GBP7: variants seen among roughly 807,000 people sequenced by gnomAD.
GBP7 encodes the protein guanylate binding protein 7, also known as guanylate-binding protein 7.
In GBP7, 43 loss-of-function variants were observed where a neutral mutation model predicts 61.3. That is an observed-to-expected ratio of 0.70 (90% CI 0.55 to 0.91). The LOEUF (loss-of-function observed/expected upper bound fraction) is 0.91. GBP7 is among the 40% of genes least tolerant of loss of function. GBP7 has a pLI of 0.00. For synonymous variants in GBP7, 267 were observed against 271.0 expected (o/e 0.99, Z 0.14); for missense variants, 717 against 740.5 (o/e 0.97, Z 0.37).
At chr1:89,157,297 A>C (rs993835013) in intron 3 of GBP7, among the ~76,000 whole-genome samples, 1 of 152,244 alleles carries the variant, frequency 6.6e-6, no homozygotes, top group African/African-American at 2.4e-5. Context: ...TAAAAGAACT[A>C]GAGAAGCAAG....
chr1:89,143,706 G>A (rs1398500204), intron 8 of GBP7, among the ~76,000 whole-genome samples: 1 of 152,162 alleles, frequency 6.6e-6, no homozygotes, highest in African/African-American at 2.4e-5. Context: ...GCAAGAGAGA[G>A]TGAGAGAGAG....
intron 6 of GBP7, among the ~76,000 whole-genome samples, chr1:89,150,128 A>G (rs1682158153): frequency 6.6e-6 from 1 of 152,214 alleles, no homozygotes; most frequent in Admixed American, 6.5e-5. Flanking sequence ...GCAGAAACTC[A>G]TGACATGCTA....
intron 8 of GBP7, among the ~76,000 whole-genome samples, chr1:89,147,299 C>T (rs924876957): frequency 6.6e-6 from 1 of 152,056 alleles, no homozygotes; most frequent in Non-Finnish European, 1.5e-5. Context: ...CTGTACTTAG[C>T]ACAAAAACTA....
intron 9 of GBP7, among the ~76,000 whole-genome samples, chr1:89,137,711 G>T (rs140078914): frequency 1.3e-5 from 2 of 151,956 alleles, no homozygotes; most frequent in East Asian, 3.9e-4. Flanking sequence ...ATGTGAAAAA[G>T]CTGGAAACAT....
chr1:89,135,221 C>A (rs1432961806), intron 9 of GBP7, among the ~76,000 whole-genome samples: 1 of 152,170 alleles, frequency 6.6e-6, no homozygotes, highest in African/African-American at 2.4e-5. Context: ...AAACCTATGA[C>A]TCATTGGCAC....
Position 89,164,827 on chromosome 1 carries a change from T to C in GBP7, c.222A>G (p.Glu74=), listed in dbSNP as rs1317698680. The change falls in exon 3 of 11, where the codon GAA becomes GAG. Residue 74 remains glutamate (E), a synonymous_variant. Coordinates refer to ENST00000294671, the MANE Select transcript of GBP7 (RefSeq NM_207398.3). Reference sequence around the variant, plus strand: ...CACACCACATCCAGATGCCTTTGGTTTCAGACTTCACTGTGCAGCCCAGAG... The same window carrying C: ...CACACCACATCCAGATGCCTTTGGTCTCAGACTTCACTGTGCAGCCCAGAG... The part of the protein sequence containing the change: ...GFPLGCTVKS[E]TKGIWMWCVP... 1 of 1,613,864 alleles carries C rather than the reference T, an allele frequency of 6.2e-7. No individual in the cohort carries two copies. Among genetic ancestry groups the C allele is most frequent in the Non-Finnish European group, 8.5e-7 (1 of 1,179,860 alleles).
At chr1:89,141,688 G>A in intron 8 of GBP7, 40 bp from the exon 9 acceptor site, 2 of 1,509,362 alleles carry the variant, frequency 1.3e-6, no homozygotes, top group Non-Finnish European at 1.8e-6. Context: ...TCAGGCAGCA[G>A]AAATCTTGTC....
intron 7 of GBP7, among the ~76,000 whole-genome samples, chr1:89,149,015 C>T (rs1210476819): frequency 6.6e-6 from 1 of 151,946 alleles, no homozygotes; most frequent in Non-Finnish European, 1.5e-5. Context: ...AAGTAATTTT[C>T]AAGAATGCAA....
Position 89,133,279 on chromosome 1 carries a change from C to A in GBP7, c.1641G>T (p.Lys547Asn). The change falls in exon 10 of 11, where the codon AAG becomes AAT. Residue 547 changes from lysine (K) to asparagine (N), a missense_variant. Physicochemically the swap from Lys to Asn is moderately conservative, Grantham distance 94 (BLOSUM62 0). Around this residue, in one of 3 missense-constraint regions of GBP7, gnomAD observed 312 missense variants for 310.1 expected, o/e 1.01. Transcript: ENST00000294671. ...TCACCTTCATCTTGTGACTCAACAT[C>A]TTTCTCAGTTCTCTCATATAGTTTT... ...ERENYMRELR[K>N]MLSHKMKVLE... The A allele has an allele frequency of 1.2e-6, 2 of 1,613,502 alleles. No homozygotes were observed. The highest frequency in any genetic ancestry group is 1.7e-6 in the Non-Finnish European group (2 of 1,179,474).
At chr1:89,135,813 A>G (rs1681787804) in intron 9 of GBP7, among the ~76,000 whole-genome samples, 1 of 151,982 alleles carries the variant, frequency 6.6e-6, no homozygotes, top group African/African-American at 2.4e-5. Context: ...ACACATATCA[A>G]TATTAACTTT....
At chr1:89,155,146 T>A (rs1288613018) in intron 3 of GBP7, among the ~76,000 whole-genome samples, 1 of 152,090 alleles carries the variant, frequency 6.6e-6, no homozygotes, top group African/African-American at 2.4e-5. Context: ...GCCCTGACTG[T>A]TAGAAGGAAA....
intron 2 of GBP7, among the ~76,000 whole-genome samples, chr1:89,169,711 T>C (rs2100661764): frequency 6.6e-6 from 1 of 152,316 alleles, no homozygotes; most frequent in Admixed American, 6.5e-5. Context: ...TCATGTCTCA[T>C]GTTTGGGCCA....
chr1:89,158,658 G>A (rs1453134016), intron 3 of GBP7, among the ~76,000 whole-genome samples: 1 of 152,170 alleles, frequency 6.6e-6, no homozygotes, highest in African/African-American at 2.4e-5. Context: ...TACAAGGGAT[G>A]TGAAGGACCT....
In GBP7 at chr1:89,150,388, A is replaced by G. The variant is rs148635729; in HGVS notation, c.813T>C (p.Tyr271=). 27 of 1,613,976 alleles carry G rather than the reference A, an allele frequency of 1.7e-5. No individual in the cohort carries two copies. The African/African-American group carries it at 2.3e-4, about 14-fold the overall frequency. The change falls in exon 6 of 11, where the codon TAT becomes TAC. Residue 271 remains tyrosine (Y), a synonymous_variant. Transcript: ENST00000294671. ...FQMQSENFCS[Y]IFTHAKTKTL... ...TCTTGGTCTTTGCATGGGTGAAGAT[A>G]TAAGAACAGAAATTTTCTGATTGCA... is the stretch of plus-strand genomic sequence containing the variant.
chr1:89,141,458 G>T, intron 9 of GBP7, 88 bp downstream of exon 9: 1 of 1,137,512 alleles, frequency 8.8e-7, no homozygotes, highest in Non-Finnish European at 1.3e-6. Flanking sequence ...GAAAGCTCCT[G>T]GTATAAGGAA....
intron 2 of GBP7, among the ~76,000 whole-genome samples, chr1:89,165,891 A>G (rs1237477731): frequency 6.6e-6 from 1 of 152,070 alleles, no homozygotes; most frequent in Non-Finnish European, 1.5e-5. Context: ...TGTTCTGCAC[A>G]TATATCCCTG....
Position 89,147,564 on chromosome 1 carries a change from C to T in GBP7, c.1365+3G>A, listed in dbSNP as rs1682097329. On this transcript the variant is annotated splice_donor_region_variant and intron_variant, in intron 8 of 10. Coordinates refer to ENST00000294671, the MANE Select transcript of GBP7 (RefSeq NM_207398.3). ...TCCATCCCCTTCTCCCCTTATTCCT[C>T]ACCTTAACTCCTTTTCTGGGCACTA... is the stretch of plus-strand genomic sequence containing the variant. 3 of 1,611,034 alleles carry T rather than the reference C, an allele frequency of 1.9e-6. No individual in the cohort carries two copies. Among genetic ancestry groups the T allele is most frequent in the South Asian group, 2.2e-5 (2 of 91,006 alleles).
chr1:89,149,410 G>C lies in GBP7; in HGVS notation c.1034C>G (p.Pro345Arg). Reference sequence around the variant, plus strand: ...CAGCAGCTCCTGGAGTGTGTCTGTGGGGAATCTCACTTGCTGGGCCATCTG... The same window carrying C: ...CAGCAGCTCCTGGAGTGTGTCTGTGCGGAATCTCACTTGCTGGGCCATCTG... ...SQQMAQQVRF[P>R]TDTLQELLDV... The change falls in exon 7 of 11, where the codon CCC (proline) becomes CGC (arginine). Residue 345 changes from proline (P) to arginine (R), a missense_variant. Physicochemically the swap from Pro to Arg is moderately radical, Grantham distance 103. Coordinates refer to ENST00000294671, the MANE Select transcript of GBP7 (RefSeq NM_207398.3). The C allele has an allele frequency of 6.2e-7, 1 of 1,614,150 alleles. No homozygotes were observed.
intron 3 of GBP7, among the ~76,000 whole-genome samples, chr1:89,155,910 T>A (rs891899152): frequency 2.0e-5 from 3 of 152,132 alleles, no homozygotes; most frequent in Non-Finnish European, 4.4e-5. Flanking sequence ...AATTGTCAGA[T>A]TCACCAAAGT....
Sources: gnomAD v4.1 joint callset for allele counts (sites outside exome capture counted in the v4.1 genomes callset) on GRCh38, gnomAD v4.1.1 for gene constraint, gnomAD v4.1.1 regional missense constraint, MANE v1.5 for transcripts, NCBI Gene and HGNC (gene_info 2026-07-23, HGNC 2026-07-21) for gene names.